CABIN1: variants seen among roughly 807,000 people sequenced by gnomAD.
CABIN1 encodes calcineurin binding protein 1.
In CABIN1, 133 loss-of-function variants were observed where a neutral mutation model predicts 227.7. The observed-to-expected ratio is 0.58, with a 90% CI of 0.51 to 0.67. The LOEUF is 0.67. Among genes scored for constraint, CABIN1 ranks in the 30% least tolerant of loss-of-function variants. CABIN1 has a pLI of 0.00. For synonymous variants in CABIN1, 1,086 were observed against 1,155.1 expected (o/e 0.94, Z 1.21); for missense variants, 2,408 against 2,852.5 (o/e 0.84, Z 3.55).
chr22:24,087,410 A>G (rs1360601438), intron 22 of CABIN1, 42 bp from the exon 23 acceptor site: 2 of 1,609,752 alleles, frequency 1.2e-6, no homozygotes, highest in Non-Finnish European at 1.7e-6. Context: ...CATGCTTTTC[A>G]TGTAGTGTTG....
chr22:24,070,140 C>G lies in CABIN1; in HGVS notation c.2233-660C>G, dbSNP rs1489992307. Among the ~76,000 whole-genome samples, 4 of 151,860 alleles carry G rather than the reference C, an allele frequency of 2.6e-5. No homozygotes were observed. In the East Asian group the frequency reaches 7.7e-4, roughly 29 times the overall value. ...AGCTTTTAAAATAGAAGTAACAGTT[C>G]AGTGTGGTGTTCTGAGAGTTCTTCC... On this transcript the variant is annotated intron_variant, in intron 16 of 36. Coordinates refer to ENST00000263119, the MANE Select transcript of CABIN1 (RefSeq NM_012295.4).
At chr22:24,052,912 T>C (rs2038462880) in intron 8 of CABIN1, among the ~76,000 whole-genome samples, 1 of 152,092 alleles carries the variant, frequency 6.6e-6, no homozygotes, top group Non-Finnish European at 1.5e-5. Flanking sequence ...ATGGTGTATT[T>C]AAGGCATTTG....
rs1467847498 is a variant in CABIN1, at chr22:24,084,652, G to A, written c.2984G>A (p.Ser995Asn). 6.2e-7 allele frequency: 1 copy of A among 1,614,138 alleles called. No individual in the cohort carries two copies. Among genetic ancestry groups the A allele is most frequent in the African/African-American group, 1.3e-5 (1 of 75,040 alleles). The change falls in exon 21 of 37, where the codon AGC (serine) becomes AAC (asparagine). Residue 995 changes from serine (S) to asparagine (N), a missense_variant. This residue lies in a region of CABIN1 where 649 missense variants were observed against 910.3 expected (regional missense o/e 0.71). Coordinates refer to ENST00000263119, the MANE Select transcript of CABIN1 (RefSeq NM_012295.4). Reference protein sequence around the residue: ...FKPKTLPEFDSYKTSTVSADL... With the variant: ...FKPKTLPEFDNYKTSTVSADL... Reference sequence around the variant, plus strand: ...CCCAAGACCCTTCCTGAATTTGACAGCTATAAGACCAGCACCGTGTCTGCT... The same window carrying A: ...CCCAAGACCCTTCCTGAATTTGACAACTATAAGACCAGCACCGTGTCTGCT...
intron 16 of CABIN1, among the ~76,000 whole-genome samples, chr22:24,069,818 T>C (rs1297356135): frequency 6.6e-6 from 1 of 152,202 alleles, no homozygotes; most frequent in Non-Finnish European, 1.5e-5. Context: ...TTCCAGGTAT[T>C]TCTGACCCCA....
At chr22:24,109,820 C>T (rs2042713334) in intron 26 of CABIN1, among the ~76,000 whole-genome samples, 1 of 152,182 alleles carries the variant, frequency 6.6e-6, no homozygotes. Flanking sequence ...CTCTTGGTTG[C>T]TAGTTTATTG....
chr22:24,142,199 T>C (rs1020560052), intron 29 of CABIN1, among the ~76,000 whole-genome samples: 2 of 151,994 alleles, frequency 1.3e-5, no homozygotes, highest in African/African-American at 4.8e-5. Context: ...AGTGCCTCTC[T>C]CCTCAGAGAG....
rs1374818258 is a variant in CABIN1 at position 24,022,755 on chromosome 22, A to G, written c.-75+11388A>G. Reference sequence around the variant, plus strand: ...TGTTGGCATTATCAGTTTTTAAAAAAATACAGCTATTTTAATAGGTGCATA... The same window carrying G: ...TGTTGGCATTATCAGTTTTTAAAAAGATACAGCTATTTTAATAGGTGCATA... On this transcript the variant is annotated intron_variant, in intron 1 of 36. Transcript: ENST00000263119. 2.0e-5 allele frequency among the ~76,000 whole-genome samples: 3 copies of G among 152,316 alleles called. No individual in the cohort carries two copies. The East Asian group carries it at 5.8e-4, about 29-fold the overall frequency.
intron 19 of CABIN1, among the ~76,000 whole-genome samples, chr22:24,079,563 A>G (rs1056383720): frequency 1.3e-5 from 2 of 152,232 alleles, no homozygotes; most frequent in Non-Finnish European, 2.9e-5. Context: ...CCCTAGGTAC[A>G]GTAGACTTAA....
Position 24,178,293 on chromosome 22 carries a change from A to G in CABIN1, c.*97A>G, listed in dbSNP as rs1328010709. ...TGGGCAGGACCAGAGGCCCACATGG[A>G]TGCCACTCCCCACACAGCCCCCAGG... On this transcript the variant is annotated 3_prime_UTR_variant, in exon 37 of 37. Coordinates refer to ENST00000263119, the MANE Select transcript of CABIN1 (RefSeq NM_012295.4). The G allele has an allele frequency of 6.7e-7, 1 of 1,483,442 alleles. No individual in the cohort carries two copies. 91.9% of individuals were successfully genotyped at this position (1,483,442 alleles called of 1,614,324 possible).
At position 24,036,190 on chromosome 22, in the gene CABIN1, T is replaced by A; in HGVS notation, c.96+9T>A. 1 of 1,588,850 alleles carries A rather than the reference T, an allele frequency of 6.3e-7. No homozygotes were observed. Among genetic ancestry groups the A allele is most frequent in the Non-Finnish European group, 8.6e-7 (1 of 1,157,272 alleles). On this transcript the variant is annotated intron_variant, in intron 3 of 36. Coordinates refer to ENST00000263119, the MANE Select transcript of CABIN1 (RefSeq NM_012295.4). ...AGACAAAGGAGGCTCAGGTACGTAA[T>A]GCGAGGTCTTCTCTGTAGGTGGACC...
At chr22:24,064,244 C>A in intron 15 of CABIN1, 57 bp downstream of exon 15, 1 of 1,588,622 alleles carries the variant, frequency 6.3e-7, no homozygotes, top group South Asian at 1.1e-5. Flanking sequence ...TCACTTTTGT[C>A]GCCTAGGCTG....
chr22:24,024,231 C>T (rs2035924350), intron 1 of CABIN1, among the ~76,000 whole-genome samples: 1 of 151,878 alleles, frequency 6.6e-6, no homozygotes, highest in Non-Finnish European at 1.5e-5. Flanking sequence ...TTTTAGGGTA[C>T]ATGTGCACAT....
chr22:24,023,570 TA>T (rs1235089132), intron 1 of CABIN1, among the ~76,000 whole-genome samples: 5 of 152,226 alleles, frequency 3.3e-5, no homozygotes, highest in Admixed American at 1.3e-4. Context: ...CTTTCTGTTT[TA>T]TTTTTTTGAT....
rs146500991 is a variant in CABIN1 at position 24,042,785 on chromosome 22, G to A, written c.346-119G>A. ...GCTGTGCCAGTGCCGTGCTCCTCCC[G>A]TCCCCGGGGTGCATATTCAAGGAGA... On this transcript the variant is annotated intron_variant, in intron 5 of 36. Coordinates refer to ENST00000263119, the MANE Select transcript of CABIN1 (RefSeq NM_012295.4). The A allele has an allele frequency of 1.2e-4, 112 of 968,408 alleles. No individual in the cohort carries two copies. In the South Asian group the frequency reaches 1.4e-3, roughly 12 times the overall value. The allele number at this position is 968,408 out of a possible 1,614,324, so 60.0% of individuals were successfully genotyped here.
chr22:24,136,379 G>T (rs1414213505), intron 29 of CABIN1, among the ~76,000 whole-genome samples: 15 of 131,874 alleles, frequency 1.1e-4, no homozygotes, highest in African/African-American at 4.1e-4. Context: ...TTGAGACAGA[G>T]TCTTGCTCTG....
intron 26 of CABIN1, among the ~76,000 whole-genome samples, chr22:24,109,935 T>C (rs1305379689): frequency 6.6e-6 from 1 of 152,202 alleles, no homozygotes; most frequent in Non-Finnish European, 1.5e-5. Flanking sequence ...TTCGGGAGGC[T>C]GAGGTGGGTG....
intron 1 of CABIN1, among the ~76,000 whole-genome samples, chr22:24,027,657 T>A (rs1051422975): frequency 6.6e-6 from 1 of 152,242 alleles, no homozygotes; most frequent in African/African-American, 2.4e-5. Flanking sequence ...GGGAATAGGT[T>A]CATTATTGCA....
chr22:24,166,011 T>C (rs189463377), intron 31 of CABIN1, among the ~76,000 whole-genome samples: 2 of 152,236 alleles, frequency 1.3e-5, no homozygotes, highest in Admixed American at 6.5e-5. Flanking sequence ...AGTACCTCCT[T>C]CTCACAGCTG....
At chr22:24,156,094 G>GC (rs1254243744) in intron 29 of CABIN1, 4 of 415,340 alleles carry the variant, frequency 9.6e-6, no homozygotes, top group African/African-American at 8.3e-5. Context: ...CTTGGCGGGG[G>GC]CGGGGGCCGG....
Sources: allele counts gnomAD v4.1 joint callset (sites outside exome capture counted in the v4.1 genomes callset), GRCh38; gene constraint gnomAD v4.1.1; regional missense constraint gnomAD v4.1.1; transcripts MANE v1.5; gene names NCBI Gene and HGNC (gene_info 2026-07-23, HGNC 2026-07-21).